Variants in FGGY observed in about 807,000 individuals in gnomAD.
FGGY encodes the protein FGGY carbohydrate kinase domain-containing protein.
Under a neutral mutation model 71.3 loss-of-function variants are expected in FGGY, and 72 were observed. That is an observed-to-expected ratio of 1.01 (90% CI 0.84 to 1.23). FGGY has a LOEUF of 1.23. Among genes scored for constraint, FGGY ranks in the 50% most tolerant of loss-of-function variants. FGGY has a pLI of 0.00. For missense variants in FGGY, 668 were observed against 682.3 expected (o/e 0.98, Z 0.23); for synonymous variants, 251 against 250.3 (o/e 1.00, Z -0.02).
chr1:59,613,596 G>A (rs2096715482), intron 9 of FGGY, among the ~76,000 whole-genome samples: 1 of 152,076 alleles, frequency 6.6e-6, no homozygotes, highest in Non-Finnish European at 1.5e-5. Flanking sequence ...AACTAGAGAA[G>A]CAAAAGCAAA....
At chr1:59,721,805 A>G (rs915686884) in intron 14 of FGGY, among the ~76,000 whole-genome samples, 1 of 151,850 alleles carries the variant, frequency 6.6e-6, no homozygotes, top group Non-Finnish European at 1.5e-5. Context: ...ACAGAGTGAA[A>G]GACACCTGAC....
intron 10 of FGGY, among the ~76,000 whole-genome samples, chr1:59,635,059 A>G (rs1266181146): frequency 6.6e-6 from 1 of 152,224 alleles, no homozygotes; most frequent in Non-Finnish European, 1.5e-5. Context: ...TTCCCTAGCT[A>G]GAAGAAGGCA....
chr1:59,675,498 CTG>C (rs1358175418), intron 14 of FGGY, among the ~76,000 whole-genome samples: 1 of 152,220 alleles, frequency 6.6e-6, no homozygotes, highest in Non-Finnish European at 1.5e-5. Flanking sequence ...AAACTAATGA[CTG>C]TGAAATCTCC....
intron 5 of FGGY, among the ~76,000 whole-genome samples, chr1:59,404,714 A>G (rs879938072): frequency 2.0e-5 from 3 of 152,126 alleles, no homozygotes; most frequent in African/African-American, 7.2e-5. Context: ...AGCAGAAGAG[A>G]CAGATCTGGA....
At chr1:59,517,467 G>A (rs1031291383) in intron 7 of FGGY, among the ~76,000 whole-genome samples, 36 of 151,516 alleles carry the variant, frequency 2.4e-4, no homozygotes, top group Admixed American at 3.9e-4. Context: ...GGGTTTCACC[G>A]TTTTAGCCGG....
At chr1:59,653,353 T>C (rs1413755320) in intron 11 of FGGY, among the ~76,000 whole-genome samples, 2 of 152,152 alleles carry the variant, frequency 1.3e-5, no homozygotes, top group African/African-American at 4.8e-5. Context: ...TCCCCCAGCC[T>C]TGCTGCCGCC....
chr1:59,645,469 AGTCCCTTG>A (rs1484016613), intron 11 of FGGY, among the ~76,000 whole-genome samples: 1 of 152,218 alleles, frequency 6.6e-6, no homozygotes, highest in Non-Finnish European at 1.5e-5. Flanking sequence ...GAAGCCCACC[AGTCCCTTG>A]GTCCTCACAG....
chr1:59,357,540 C>T (rs1213775811), intron 4 of FGGY, among the ~76,000 whole-genome samples: 3 of 152,032 alleles, frequency 2.0e-5, no homozygotes, highest in Non-Finnish European at 2.9e-5. Flanking sequence ...TAAACTGGAG[C>T]CAAATGAAGT....
chr1:59,336,942 A>G (rs2049664849), intron 2 of FGGY, among the ~76,000 whole-genome samples: 1 of 148,820 alleles, frequency 6.7e-6, no homozygotes, highest in African/African-American at 2.6e-5. Flanking sequence ...TCCTGAATGT[A>G]TTTGTCAGGT....
chr1:59,554,841 G>A (rs2095660310), intron 8 of FGGY, among the ~76,000 whole-genome samples: 1 of 152,150 alleles, frequency 6.6e-6, no homozygotes, highest in African/African-American at 2.4e-5. Context: ...ATTCCGATAA[G>A]TACCCATTTC....
chr1:59,411,063 A>G (rs1004000213), intron 5 of FGGY, among the ~76,000 whole-genome samples: 1 of 152,192 alleles, frequency 6.6e-6, no homozygotes, highest in Non-Finnish European at 1.5e-5. Context: ...ACTTTTTGCT[A>G]GTTTTGCCAG....
chr1:59,734,036 C>T (rs943245909), intron 14 of FGGY, among the ~76,000 whole-genome samples: 12 of 152,220 alleles, frequency 7.9e-5, no homozygotes, highest in African/African-American at 2.9e-4. Flanking sequence ...CTGTGGGGTC[C>T]GCGTGGTATG....
chr1:59,588,256 A>C (rs2096351401), intron 8 of FGGY, among the ~76,000 whole-genome samples: 1 of 152,148 alleles, frequency 6.6e-6, no homozygotes, highest in African/African-American at 2.4e-5. Context: ...AAAGAATAAA[A>C]AGAAACGAAC....
chr1:59,540,985 T>C (rs534871625), intron 7 of FGGY, among the ~76,000 whole-genome samples: 15 of 152,318 alleles, frequency 9.8e-5, no homozygotes, highest in Non-Finnish European at 1.3e-4. Flanking sequence ...GGAAAAATTA[T>C]GTTATGAATC....
chr1:59,363,521 G>T (rs2056006420), intron 4 of FGGY, among the ~76,000 whole-genome samples: 1 of 152,318 alleles, frequency 6.6e-6, no homozygotes, highest in Non-Finnish European at 1.5e-5. Context: ...GAGTAGTTGA[G>T]TAGATTGCTC....
At chr1:59,452,649 AG>A (rs2091299490) in intron 5 of FGGY, among the ~76,000 whole-genome samples, 1 of 152,208 alleles carries the variant, frequency 6.6e-6, no homozygotes. Context: ...ATAGGTTTTT[AG>A]TATCTATTCT....
chr1:59,645,957 A>G (rs2097090347), intron 11 of FGGY, among the ~76,000 whole-genome samples: 1 of 152,232 alleles, frequency 6.6e-6, no homozygotes, highest in South Asian at 2.1e-4. Flanking sequence ...CTGCTCCAAC[A>G]ACTCTTCAAA....
intron 1 of FGGY, among the ~76,000 whole-genome samples, chr1:59,304,118 CT>C (rs1422691026): frequency 6.6e-6 from 1 of 152,032 alleles, no homozygotes; most frequent in Admixed American, 6.5e-5. Context: ...GCTTTTATTG[CT>C]CATGCTTTTG....
At chr1:59,542,357 T>G (rs1458613130) in intron 7 of FGGY, among the ~76,000 whole-genome samples, 1 of 151,946 alleles carries the variant, frequency 6.6e-6, no homozygotes, top group Non-Finnish European at 1.5e-5. Context: ...ATTGAATCCT[T>G]CTAAACAGAG....
Sources: allele counts gnomAD v4.1 joint callset (sites outside exome capture counted in the v4.1 genomes callset), GRCh38; gene constraint gnomAD v4.1.1; transcripts MANE v1.5; gene names NCBI Gene and HGNC (gene_info 2026-07-23, HGNC 2026-07-21).